Variants in RAD17 observed in about 807,000 individuals in gnomAD.
RAD17 encodes RAD17 checkpoint clamp loader component.
A neutral mutation model predicts 81.5 loss-of-function variants in RAD17; 31 were observed. The ratio of observed to expected loss-of-function variants is 0.38; its 90% confidence interval spans 0.29 to 0.51. RAD17 has a LOEUF of 0.51. Ranked by LOEUF, RAD17 falls within the 20% of genes least tolerant of loss-of-function variation. The pLI is 0.88. For synonymous variants in RAD17, 261 were observed against 266.2 expected, an observed-to-expected ratio of 0.98 and a Z score of 0.19; for missense variants, 681 against 781.2, an observed-to-expected ratio of 0.87 and a Z score of 1.53.
intron 17 of RAD17, among the ~76,000 whole-genome samples, chr5:69,405,680 A>AC (rs1347368253): frequency 6.6e-6 from 1 of 151,998 alleles, no homozygotes; most frequent in East Asian, 1.9e-4. Flanking sequence ...AAACAAACAA[A>AC]AAAAAAACTC....
chr5:69,393,449 G>A lies in RAD17; in HGVS notation c.1371G>A (p.Val457=). The A allele has an allele frequency of 6.2e-7, 1 of 1,610,432 alleles. No individual in the cohort carries two copies. Among genetic ancestry groups the A allele is most frequent in the Non-Finnish European group, 8.5e-7 (1 of 1,178,632 alleles). ...TCTTCATGGAAATTGATGATATTGT[G>A]AGAGCCAGTGAATTTCTGAGTTTTG... ...IDFFMEIDDI[V]RASEFLSFAD... The change falls in exon 15 of 19, where the codon GTG becomes GTA. Residue 457 remains valine, a synonymous_variant. Transcript: ENST00000354868.
At chr5:69,395,846 C>T (rs1223110946) in intron 15 of RAD17, among the ~76,000 whole-genome samples, 3 of 152,090 alleles carry the variant, frequency 2.0e-5, no homozygotes, top group South Asian at 2.1e-4. Context: ...TTGCGAACAT[C>T]GTGACACTTA....
rs768916111 is a variant in RAD17 at position 69,414,194 on chromosome 5, G to A, written c.1915G>A (p.Ala639Thr). 1.2e-6 allele frequency: 2 copies of A among 1,614,182 alleles called. No individual in the cohort carries two copies. The highest frequency in any genetic ancestry group is 1.7e-6 in the Non-Finnish European group (2 of 1,180,036). The stretch of plus-strand genomic sequence containing the variant: ...GTCTCTTCCTTTGAGTCAGAATAGT[G>A]CCAGTGAACTGCCTGCTAGCCAGCC... ...TWSLPLSQNSASELPASQPQP... is the reference protein window; with the variant it reads ...TWSLPLSQNSTSELPASQPQP... The change falls in exon 19 of 19, where the codon GCC becomes ACC. Residue 639 changes from alanine to threonine, a missense_variant. Ala to Thr is a moderately conservative substitution (Grantham distance 58, BLOSUM62 0). Coordinates refer to ENST00000354868, the MANE Select transcript of RAD17 (RefSeq NM_133338.3).
chr5:69,379,647 TAA>T, intron 6 of RAD17, among the ~76,000 whole-genome samples: 1 of 151,860 alleles, frequency 6.6e-6, no homozygotes, highest in Middle Eastern at 3.4e-3. Context: ...TTTTTGTATT[TAA>T]AAAAAAATTT....
rs146987871 is a variant in RAD17, at chr5:69,386,675, A to G, written c.894+210A>G. Among the ~76,000 whole-genome samples the G allele has an allele frequency of 2.2e-4, 34 of 152,296 alleles. No individual in the cohort carries two copies. The East Asian group carries it at 6.4e-3, about 28-fold the overall frequency. ...CTATTAAACTTTCACTTTCACATTG[A>G]GGTAAATTTTTCCTTTGCTTGGTTT... is the stretch of plus-strand genomic sequence containing the variant. On this transcript the variant is annotated intron_variant, in intron 11 of 18. Coordinates refer to ENST00000354868, the MANE Select transcript of RAD17 (RefSeq NM_133338.3).
Position 69,384,945 on chromosome 5 carries a change from T to G in RAD17, c.645+12T>G. 2 of 1,565,076 alleles carry G rather than the reference T, an allele frequency of 1.3e-6. No individual in the cohort carries two copies. The highest frequency in any genetic ancestry group is 1.7e-6 in the Non-Finnish European group (2 of 1,158,876). ...TAATTCTGGTTGAAGTAAGGACAAC[T>G]TTTAAAATCTTTTTTTTTTTTTTTT... On this transcript the variant is annotated intron_variant, in intron 8 of 18. Coordinates refer to ENST00000354868, the MANE Select transcript of RAD17 (RefSeq NM_133338.3).
intron 6 of RAD17, among the ~76,000 whole-genome samples, chr5:69,377,447 A>ATATATATATATATG (rs1554038598): frequency 1.0e-4 from 1 of 10,032 alleles, no homozygotes; most frequent in Admixed American, 1.5e-3. Flanking sequence ...GTGTATATAT[A>ATATATATATATATG]TATATATATA....
chr5:69,384,982 C>A lies in RAD17; in HGVS notation c.645+49C>A, dbSNP rs192977113. 7.9e-4 allele frequency: 1,114 copies of A among 1,410,696 alleles called. 12 individuals carry two copies. In the African/African-American group the frequency reaches 0.016, roughly 21 times the overall value. 87.4% of individuals were successfully genotyped at this position (1,410,696 alleles called of 1,614,324 possible). A position where few individuals can be genotyped will look rare whatever the true frequency, so the allele number is the denominator to read the frequency against. On this transcript the variant is annotated intron_variant, in intron 8 of 18. Coordinates refer to ENST00000354868, the MANE Select transcript of RAD17 (RefSeq NM_133338.3). ...TTTTTTTTTTTTTTTGAAATGGAGT[C>A]TTGCTGTGTCACTGTCACCCAGGCT...
chr5:69,372,516 A>G (rs1289576889), intron 4 of RAD17, among the ~76,000 whole-genome samples: 1 of 152,102 alleles, frequency 6.6e-6, no homozygotes, highest in Non-Finnish European at 1.5e-5. Flanking sequence ...CTGAAGCTAT[A>G]TTTTTCTAGA....
intron 12 of RAD17, among the ~76,000 whole-genome samples, chr5:69,390,746 A>G (rs1286336751): frequency 1.3e-5 from 2 of 151,384 alleles, no homozygotes; most frequent in African/African-American, 4.9e-5. Flanking sequence ...TTCAACCTCA[A>G]GAGTCTGATA....
rs1370734746 is a variant in RAD17 at position 69,414,301 on chromosome 5, C to T, written c.*9C>T. On this transcript the variant is annotated 3_prime_UTR_variant, in exon 19 of 19. Transcript: ENST00000354868. ...AGAGTGATGGGACATAGAAGCCAGC[C>T]TGCTAATCAGATTGCTACTTCACAG... The T allele has an allele frequency of 1.9e-6, 3 of 1,611,762 alleles. No homozygotes were observed. Among genetic ancestry groups the T allele is most frequent in the Admixed American group, 1.7e-5 (1 of 59,902 alleles).
chr5:69,387,712 C>T (rs912089867), intron 11 of RAD17, among the ~76,000 whole-genome samples: 10 of 152,048 alleles, frequency 6.6e-5, no homozygotes, highest in Non-Finnish European at 1.3e-4. Context: ...CAAAAATTAG[C>T]CGGATGTGGT....
chr5:69,377,459 A>G (rs984534024), intron 6 of RAD17, among the ~76,000 whole-genome samples: 95 of 5,192 alleles, frequency 0.018, 2 homozygotes, highest in South Asian at 0.11. Flanking sequence ...ATATATATAT[A>G]TATATATATA....
chr5:69,390,605 C>T (rs1764491842), intron 12 of RAD17, among the ~76,000 whole-genome samples: 1 of 152,152 alleles, frequency 6.6e-6, no homozygotes, highest in Non-Finnish European at 1.5e-5. Flanking sequence ...GTCATTCACT[C>T]ACTGATGACC....
intron 18 of RAD17, among the ~76,000 whole-genome samples, chr5:69,412,633 T>C (rs1766080017): frequency 6.6e-6 from 1 of 152,166 alleles, no homozygotes; most frequent in Non-Finnish European, 1.5e-5. Context: ...TGTATCAGTA[T>C]GTTCTTTTCT....
chr5:69,402,318 G>A (rs935885869), intron 17 of RAD17, among the ~76,000 whole-genome samples: 2 of 151,716 alleles, frequency 1.3e-5, no homozygotes, highest in East Asian at 4.1e-4. Context: ...CCCAAAGTGC[G>A]GAATTACAGG....
In RAD17 at chr5:69,393,082, A is replaced by G. The variant is rs556012830; in HGVS notation, c.1190-73A>G. On this transcript the variant is annotated intron_variant, in intron 13 of 18. Coordinates refer to ENST00000354868, the MANE Select transcript of RAD17 (RefSeq NM_133338.3). The stretch of plus-strand genomic sequence containing the variant: ...GGTATTGTATGTCTAAAATTTTCAA[A>G]CTCTTCAAATGAGAGGTGCTATATA... The G allele has an allele frequency of 1.3e-4, 129 of 998,184 alleles. No homozygotes were observed. In the African/African-American group the frequency reaches 2.0e-3, roughly 15 times the overall value. 61.8% of individuals were successfully genotyped at this position (998,184 alleles called of 1,614,324 possible). A position where few individuals can be genotyped will look rare whatever the true frequency, so the allele number is the denominator to read the frequency against.
At position 69,372,109 on chromosome 5, in the gene RAD17, G is replaced by T. The variant is rs982314255; in HGVS notation, c.-100G>T. ...TAATTTGCAAATCAGAATTGCTGTC[G>T]AAAGTTTTACTATAATGAAAGATAT... is the stretch of plus-strand genomic sequence containing the variant. On this transcript the variant is annotated 5_prime_UTR_variant, in exon 4 of 19. The change creates a premature stop within an existing upstream ORF in the 5' untranslated region. Coordinates refer to ENST00000354868, the MANE Select transcript of RAD17 (RefSeq NM_133338.3). 2 of 1,462,326 alleles carry T rather than the reference G, an allele frequency of 1.4e-6. 1 individual carries two copies. The highest frequency in any genetic ancestry group is 1.8e-6 in the Non-Finnish European group (2 of 1,084,736). The allele number at this position is 1,462,326 out of a possible 1,614,324, so 90.6% of individuals were successfully genotyped here.
At chr5:69,386,496 A>G (rs1764222034) in intron 11 of RAD17, 31 bp downstream of exon 11, 3 of 1,533,516 alleles carry the variant, frequency 2.0e-6, no homozygotes, top group Admixed American at 2.2e-5. Flanking sequence ...ACCTTACTCG[A>G]TAACTATAGA....
Sources: allele counts gnomAD v4.1 joint callset (sites outside exome capture counted in the v4.1 genomes callset), GRCh38; gene constraint gnomAD v4.1.1; transcripts MANE v1.5; gene names NCBI Gene and HGNC (gene_info 2026-07-23, HGNC 2026-07-21).